Variants in AGTPBP1 observed in about 807,000 individuals in gnomAD.
The protein encoded by AGTPBP1 is cytosolic carboxypeptidase 1.
In AGTPBP1, 70 loss-of-function variants were observed where a neutral mutation model predicts 143.9. The ratio of observed to expected loss-of-function variants is 0.49; its 90% confidence interval spans 0.40 to 0.59. AGTPBP1 has a LOEUF of 0.59. AGTPBP1 is among the 20% of genes least tolerant of loss of function. AGTPBP1 has a pLI of 0.00. For missense variants in AGTPBP1, 1,229 were observed against 1,464.5 expected, an observed-to-expected ratio of 0.84 and a Z score of 2.62; for synonymous variants, 463 against 500.2, an observed-to-expected ratio of 0.93 and a Z score of 0.99.
chr9:85,589,752 C>A, intron 19 of AGTPBP1, 71 bp from the exon 20 acceptor site: 1 of 1,367,530 alleles, frequency 7.3e-7, no homozygotes, highest in Non-Finnish European at 9.9e-7. Context: ...AATAATGCAT[C>A]CAGATCTCCA....
In AGTPBP1 at chr9:85,741,947, C is replaced by T. The variant is rs762840862; in HGVS notation, c.-206G>A. ...GCTGCGGCGGCGGCGCTGGAGGCGG[C>T]GGAACCTGTCCGCATCCCGGGCAAC... On this transcript the variant is annotated 5_prime_UTR_variant, in exon 1 of 26. Coordinates refer to ENST00000357081, the MANE Select transcript of AGTPBP1 (RefSeq NM_001330701.2). The T allele has an allele frequency of 7.4e-4, 950 of 1,284,788 alleles. 2 individuals are homozygous for T. The highest frequency in any genetic ancestry group is 2.2e-3 in the East Asian group (68 of 31,440). The allele number at this position is 1,284,788 out of a possible 1,614,324, so 79.6% of individuals were successfully genotyped here.
chr9:85,647,966 T>A (rs556485287), intron 11 of AGTPBP1, among the ~76,000 whole-genome samples: 1 of 152,266 alleles, frequency 6.6e-6, no homozygotes, highest in South Asian at 2.1e-4. Flanking sequence ...AAGAATGGCT[T>A]AATTCAATTT....
chr9:85,661,232 ATGTC>A (rs1789862540), intron 8 of AGTPBP1, among the ~76,000 whole-genome samples: 1 of 152,124 alleles, frequency 6.6e-6, no homozygotes, highest in Non-Finnish European at 1.5e-5. Flanking sequence ...GAAATTAACA[ATGTC>A]TAAGTATTTG....
At chr9:85,718,167 G>C (rs957996722) in intron 1 of AGTPBP1, among the ~76,000 whole-genome samples, 3 of 152,172 alleles carry the variant, frequency 2.0e-5, no homozygotes, top group African/African-American at 7.2e-5. Flanking sequence ...ATAGCAGCAT[G>C]ATTTATACTC....
At chr9:85,547,342 A>G in intron 25 of AGTPBP1, 56 bp from the exon 26 acceptor site, 1 of 1,410,036 alleles carries the variant, frequency 7.1e-7, no homozygotes, top group Non-Finnish European at 9.4e-7. Flanking sequence ...AGGTCCTAAT[A>G]TAAGATTATT....
intron 14 of AGTPBP1, among the ~76,000 whole-genome samples, chr9:85,631,269 T>C (rs1390182047): frequency 1.3e-5 from 2 of 152,250 alleles, no homozygotes; most frequent in East Asian, 3.8e-4. Flanking sequence ...GATGCTACAC[T>C]AAATAGGGCC....
the AGTPBP1 span, among the ~76,000 whole-genome samples, chr9:85,780,716 A>G: frequency 6.6e-6 from 1 of 152,192 alleles, no homozygotes. Context: ...GGGAAATTTT[A>G]CAGGCAGAAA....
intron 23 of AGTPBP1, among the ~76,000 whole-genome samples, chr9:85,581,339 T>C (rs1828246051): frequency 6.6e-6 from 1 of 152,220 alleles, no homozygotes; most frequent in Non-Finnish European, 1.5e-5. Flanking sequence ...GCCTCAAGCA[T>C]GTCAACTGAC....
At chr9:85,753,757 AATAGATAGATAG>A in the AGTPBP1 span, among the ~76,000 whole-genome samples, 2,050 of 145,666 alleles carry the variant, frequency 0.014, 20 homozygotes, top group African/African-American at 0.022. Flanking sequence ...CCTCTCAATA[AATAGATAGATAG>A]ATAGATAGAT....
At position 85,632,959 on chromosome 9, in the gene AGTPBP1, T is replaced by G; in HGVS notation, c.1718A>C (p.His573Pro). Residue 573 changes from histidine to proline, a missense_variant, in exon 14 of 26, where the codon CAC becomes CCC. His to Pro is a moderately conservative substitution (Grantham distance 77). Transcript: ENST00000357081. ...TVLTCAKACP[H>P]MATCGNVLFE... ...CAGAACATTTCCACAAGTAGCCATG[T>G]GTGGACATGCTTTAGCACAGGTAAG... is the stretch of plus-strand genomic sequence containing the variant. 1 of 1,614,154 alleles carries G rather than the reference T, an allele frequency of 6.2e-7. No homozygotes were observed. The highest frequency in any genetic ancestry group is 8.5e-7 in the Non-Finnish European group (1 of 1,180,010).
At chr9:85,769,520 CAAAAAAAAAA>C in the AGTPBP1 span, among the ~76,000 whole-genome samples, 27 of 60,900 alleles carry the variant, frequency 4.4e-4, no homozygotes, top group African/African-American at 1.1e-3. Context: ...ACCCTGTGTC[CAAAAAAAAAA>C]AAAAAAAAAA....
At chr9:85,548,237 C>T (rs1825836055) in intron 25 of AGTPBP1, among the ~76,000 whole-genome samples, 1 of 152,132 alleles carries the variant, frequency 6.6e-6, no homozygotes, top group African/African-American at 2.4e-5. Flanking sequence ...TCATTAGTCA[C>T]CTAAAATGAG....
At chr9:85,575,079 G>A (rs761392572) in intron 25 of AGTPBP1, among the ~76,000 whole-genome samples, 65 of 152,186 alleles carry the variant, frequency 4.3e-4, no homozygotes, top group South Asian at 8.3e-4. Context: ...GGGGTTAAAA[G>A]TAAACCAGTA....
intron 1 of AGTPBP1, among the ~76,000 whole-genome samples, chr9:85,740,017 AAGTAAAAT>A (rs1483639589): frequency 1.2e-4 from 18 of 152,280 alleles, no homozygotes; most frequent in Non-Finnish European, 2.2e-4. Context: ...AAAAAAAAAA[AAGTAAAAT>A]ACAAATTACA....
At chr9:85,706,582 G>A (rs1018195098) in intron 2 of AGTPBP1, among the ~76,000 whole-genome samples, 7 of 148,382 alleles carry the variant, frequency 4.7e-5, no homozygotes, top group Non-Finnish European at 7.4e-5. Context: ...AAATATAGAA[G>A]ATCTAGGGCC....
At chr9:85,622,153 G>C (rs1830975869) in intron 14 of AGTPBP1, among the ~76,000 whole-genome samples, 1 of 152,210 alleles carries the variant, frequency 6.6e-6, no homozygotes, top group Non-Finnish European at 1.5e-5. Flanking sequence ...AGAGGAAGGT[G>C]ATTATATGCA....
At chr9:85,786,584 T>A in the AGTPBP1 span, 3 of 1,611,940 alleles carry the variant, frequency 1.9e-6, no homozygotes, top group Admixed American at 3.4e-5. Flanking sequence ...AACTTAGACA[T>A]TGAATAATAG....
At chr9:85,562,822 C>T (rs774782155) in intron 25 of AGTPBP1, among the ~76,000 whole-genome samples, 24 of 152,020 alleles carry the variant, frequency 1.6e-4, no homozygotes, top group Non-Finnish European at 3.1e-4. Flanking sequence ...TATTTACATC[C>T]CCCCTCCCAT....
chr9:85,789,854 A>G, the AGTPBP1 span, among the ~76,000 whole-genome samples: 4 of 152,196 alleles, frequency 2.6e-5, no homozygotes, highest in African/African-American at 9.6e-5. Context: ...ACTATCAGGG[A>G]GTGAAATCCT....
Sources: gnomAD v4.1 joint callset for allele counts (sites outside exome capture counted in the v4.1 genomes callset) on GRCh38, gnomAD v4.1.1 for gene constraint, MANE v1.5 for transcripts, NCBI Gene and HGNC (gene_info 2026-07-23, HGNC 2026-07-21) for gene names.